The following PCSK5 variants were observed in gnomAD, a reference collection of about 807,000 sequenced individuals.
PCSK5 encodes prohormone convertase 5.
PCSK5 carries 129 observed loss-of-function variants against 233.2 expected under a neutral mutation model. The ratio of observed to expected loss-of-function variants is 0.55; its 90% CI spans 0.48 to 0.64. The LOEUF (loss-of-function observed/expected upper bound fraction) is 0.64. PCSK5 is among the 30% of genes least tolerant of loss of function. PCSK5 has a pLI of 0.00. For missense variants in PCSK5, 2,076 were observed against 2,430.1 expected, an observed-to-expected ratio of 0.85 and a Z score of 3.06; for synonymous variants, 825 against 879.2, an observed-to-expected ratio of 0.94 and a Z score of 1.09.
chr9:75,974,624 T>C (rs534966452), intron 2 of PCSK5, among the ~76,000 whole-genome samples: 1 of 152,256 alleles, frequency 6.6e-6, no homozygotes, highest in East Asian at 1.9e-4. Context: ...ACCCCTGCCC[T>C]TTCTGCCAAG....
chr9:75,941,730 C>A (rs1239935703), intron 2 of PCSK5, among the ~76,000 whole-genome samples: 1 of 152,114 alleles, frequency 6.6e-6, no homozygotes, highest in East Asian at 1.9e-4. Flanking sequence ...CCCTTGGATC[C>A]ATTTATGGTG....
At position 76,310,827 on chromosome 9, in the gene PCSK5, G is replaced by C. The variant is rs750515367; in HGVS notation, c.3860G>C (p.Gly1287Ala). Reference sequence around the variant, plus strand: ...GGCCACCCTCTCTTCCTCCATGAAGGCAGGTGCTACTCCAAGTGCCCGGAG... The same window carrying C: ...GGCCACCCTCTCTTCCTCCATGAAGCCAGGTGCTACTCCAAGTGCCCGGAG... ...QPGHPLFLHE[G>A]RCYSKCPEGS... Residue 1287 changes from glycine to alanine, a missense_variant, in exon 30 of 38, where the codon GGC (glycine) becomes GCC (alanine). Physicochemically the swap from Gly to Ala is moderately conservative, Grantham distance 60 (BLOSUM62 0). Coordinates refer to ENST00000674117, the MANE Select transcript of PCSK5 (RefSeq NM_001372043.1). The C allele has an allele frequency of 3.2e-5, 52 of 1,606,564 alleles. No homozygotes were observed. Among genetic ancestry groups the C allele is most frequent in the Non-Finnish European group, 4.2e-5 (49 of 1,177,624 alleles).
intron 3 of PCSK5, among the ~76,000 whole-genome samples, chr9:76,004,017 C>G (rs1017520993): frequency 2.0e-5 from 3 of 152,108 alleles, no homozygotes; most frequent in Non-Finnish European, 4.4e-5. Context: ...AGGTTGGTCT[C>G]AAGTTCCTGG....
intron 10 of PCSK5, among the ~76,000 whole-genome samples, chr9:76,149,216 TC>T (rs1823568428): frequency 6.6e-6 from 1 of 152,212 alleles, no homozygotes; most frequent in African/African-American, 2.4e-5. Context: ...GTAGCTTTCT[TC>T]CCAGTGAAAT....
chr9:75,937,482 C>T (rs1194119948), intron 2 of PCSK5, among the ~76,000 whole-genome samples: 1 of 152,114 alleles, frequency 6.6e-6, no homozygotes, highest in African/African-American at 2.4e-5. Flanking sequence ...CTCAGCCCTC[C>T]ATTTAGCATC....
chr9:76,033,843 A>G (rs1361188819), intron 5 of PCSK5, among the ~76,000 whole-genome samples: 14 of 152,098 alleles, frequency 9.2e-5, no homozygotes. Context: ...CCCATTCACT[A>G]GGGCTCCACC....
chr9:76,281,979 G>A, intron 24 of PCSK5, among the ~76,000 whole-genome samples: 1 of 151,804 alleles, frequency 6.6e-6, no homozygotes, highest in Non-Finnish European at 1.5e-5. Flanking sequence ...ACTGTGTATG[G>A]CAATAGCTGC....
intron 27 of PCSK5, among the ~76,000 whole-genome samples, chr9:76,301,470 G>C (rs1828598218): frequency 6.6e-6 from 1 of 151,978 alleles, no homozygotes. Flanking sequence ...AAAAGAGAAG[G>C]GAACAATCTC....
At chr9:75,917,483 G>A (rs1471339981) in intron 1 of PCSK5, among the ~76,000 whole-genome samples, 1 of 152,218 alleles carries the variant, frequency 6.6e-6, no homozygotes, top group African/African-American at 2.4e-5. Flanking sequence ...ATCTGCTGAA[G>A]AACCGTGTGT....
chr9:75,994,400 CTTTT>C (rs550518074), intron 3 of PCSK5, among the ~76,000 whole-genome samples: 155 of 82,030 alleles, frequency 1.9e-3, no homozygotes, highest in Middle Eastern at 6.2e-3. Flanking sequence ...TTCTTTCTTT[CTTTT>C]TTTTTTTTTT....
intron 21 of PCSK5, among the ~76,000 whole-genome samples, chr9:76,232,928 A>G (rs1357715906): frequency 5.9e-5 from 9 of 152,232 alleles, no homozygotes; most frequent in Admixed American, 5.9e-4. Context: ...ACTCAAAATC[A>G]GAGTTCATTG....
At chr9:75,892,446 G>C (rs1825651430) in intron 1 of PCSK5, among the ~76,000 whole-genome samples, 1 of 152,226 alleles carries the variant, frequency 6.6e-6, no homozygotes, top group African/African-American at 2.4e-5. Flanking sequence ...CGGAGGGGCG[G>C]GCCCTGGCTG....
intron 24 of PCSK5, among the ~76,000 whole-genome samples, chr9:76,251,916 G>C (rs992352035): frequency 1.3e-5 from 2 of 151,942 alleles, no homozygotes; most frequent in Non-Finnish European, 2.9e-5. Context: ...AATCATACTA[G>C]CTAATGTTCT....
intron 1 of PCSK5, among the ~76,000 whole-genome samples, chr9:75,898,677 A>AC (rs33970434): frequency 0.56 from 83,281 of 149,214 alleles, 24,769 homozygotes; most frequent in African/African-American, 0.74. Context: ...AAAAAAAAAA[A>AC]CCCACTAGAG....
chr9:76,075,262 A>G (rs547212992), intron 7 of PCSK5, among the ~76,000 whole-genome samples: 17 of 151,178 alleles, frequency 1.1e-4, no homozygotes, highest in African/African-American at 2.7e-4. Context: ...ATGCAAGTCA[A>G]CGTAGCCTTC....
intron 2 of PCSK5, among the ~76,000 whole-genome samples, chr9:75,950,082 A>C (rs1306088911): frequency 7.3e-6 from 1 of 136,890 alleles, no homozygotes; most frequent in Non-Finnish European, 1.5e-5. Flanking sequence ...ATACTTTACA[A>C]ACTGTCCTTC....
At chr9:76,120,468 A>G (rs913264022) in intron 9 of PCSK5, among the ~76,000 whole-genome samples, 16 of 152,076 alleles carry the variant, frequency 1.1e-4, no homozygotes, top group African/African-American at 3.9e-4. Flanking sequence ...TACATTGTTT[A>G]GATCTTCTTT....
At chr9:76,144,132 A>G (rs759601100) in intron 10 of PCSK5, among the ~76,000 whole-genome samples, 1 of 152,122 alleles carries the variant, frequency 6.6e-6, no homozygotes, top group Non-Finnish European at 1.5e-5. Context: ...TATTGTATTC[A>G]TATTCTTTTT....
At chr9:76,283,646 A>G (rs1827955147) in intron 24 of PCSK5, among the ~76,000 whole-genome samples, 3 of 152,230 alleles carry the variant, frequency 2.0e-5, no homozygotes, top group African/African-American at 4.8e-5. Flanking sequence ...TCTCTGAGGC[A>G]TGCCTGTAGT....
Sources: gnomAD v4.1 joint callset for allele counts (sites outside exome capture counted in the v4.1 genomes callset) on GRCh38, gnomAD v4.1.1 for gene constraint, MANE v1.5 for transcripts, NCBI Gene and HGNC (gene_info 2026-07-23, HGNC 2026-07-21) for gene names.